Variants in SCHIP1 observed in about 807,000 individuals in gnomAD.
SCHIP1 encodes schwannomin-interacting protein 1.
In SCHIP1, 8 loss-of-function variants were observed where a neutral mutation model predicts 29.7. The ratio of observed to expected loss-of-function variants is 0.27; its 90% CI spans 0.16 to 0.49. The LOEUF is 0.49. Ranked by LOEUF, SCHIP1 falls within the 20% of genes least tolerant of loss-of-function variation. SCHIP1 has a pLI of 0.99. For missense variants in SCHIP1, 193 were observed against 294.6 expected, an observed-to-expected ratio of 0.66 and a Z score of 2.52; for synonymous variants, 76 against 94.9, an observed-to-expected ratio of 0.80 and a Z score of 1.16.
intron 1 of SCHIP1, among the ~76,000 whole-genome samples, chr3:159,860,522 T>A (rs541593843): frequency 6.6e-6 from 1 of 152,308 alleles, no homozygotes; most frequent in East Asian, 1.9e-4. Context: ...ATGCTAGACG[T>A]GGTATCTGTA....
chr3:159,716,750 A>T, the SCHIP1 span, among the ~76,000 whole-genome samples: 2 of 152,188 alleles, frequency 1.3e-5, no homozygotes, highest in Non-Finnish European at 2.9e-5. Context: ...AAGACCTTAG[A>T]GACCTACGAA....
chr3:159,795,366 T>C, the SCHIP1 span, among the ~76,000 whole-genome samples: 1 of 152,236 alleles, frequency 6.6e-6, no homozygotes, highest in Admixed American at 6.5e-5. Flanking sequence ...ATGTGATCTT[T>C]GGAAATTTAC....
chr3:159,480,027 G>A, the SCHIP1 span, among the ~76,000 whole-genome samples: 185 of 152,240 alleles, frequency 1.2e-3, no homozygotes, highest in African/African-American at 4.3e-3. Flanking sequence ...GAATTCTCAT[G>A]TAGACCATTT....
chr3:159,390,534 A>T, the SCHIP1 span, among the ~76,000 whole-genome samples: 1 of 152,138 alleles, frequency 6.6e-6, no homozygotes, highest in Non-Finnish European at 1.5e-5. Flanking sequence ...GACACGAAAA[A>T]AATTGAGGCA....
At chr3:159,315,085 G>C in the SCHIP1 span, among the ~76,000 whole-genome samples, 11 of 152,056 alleles carry the variant, frequency 7.2e-5, no homozygotes, top group African/African-American at 2.7e-4. Context: ...ATTGCGAAAA[G>C]CTTTTCTAAA....
At chr3:159,303,291 G>T in the SCHIP1 span, among the ~76,000 whole-genome samples, 1 of 151,982 alleles carries the variant, frequency 6.6e-6, no homozygotes, top group Non-Finnish European at 1.5e-5. Context: ...AATCACACAA[G>T]CAGTGGTCTG....
At chr3:159,466,270 T>C in the SCHIP1 span, among the ~76,000 whole-genome samples, 1 of 152,202 alleles carries the variant, frequency 6.6e-6, no homozygotes, top group African/African-American at 2.4e-5. Flanking sequence ...AAGATCATGA[T>C]TGTGCTACTG....
At chr3:159,713,670 G>T in the SCHIP1 span, among the ~76,000 whole-genome samples, 2 of 152,194 alleles carry the variant, frequency 1.3e-5, no homozygotes, top group Non-Finnish European at 2.9e-5. Flanking sequence ...GATTCAGGGG[G>T]TCTATACAGA....
At chr3:159,507,912 A>G in the SCHIP1 span, among the ~76,000 whole-genome samples, 1 of 152,316 alleles carries the variant, frequency 6.6e-6, no homozygotes, top group African/African-American at 2.4e-5. Flanking sequence ...CATCAGGGAT[A>G]TTGGTCTAAA....
the SCHIP1 span, chr3:159,721,405 A>C: frequency 6.6e-6 from 1 of 152,260 alleles, no homozygotes; most frequent in Admixed American, 6.5e-5. Context: ...GGAGTAAGAA[A>C]GTCTGTTTTT....
the SCHIP1 span, among the ~76,000 whole-genome samples, chr3:159,442,555 G>T: frequency 1.3e-5 from 2 of 152,126 alleles, no homozygotes; most frequent in East Asian, 3.9e-4. Context: ...CAGAAGTGAA[G>T]GAAAGGGACT....
the SCHIP1 span, among the ~76,000 whole-genome samples, chr3:159,731,620 A>T: frequency 9.9e-4 from 150 of 151,876 alleles, 4 homozygotes; most frequent in South Asian, 9.8e-3. Context: ...AAGCTTTACC[A>T]CTCTTCAGTC....
the SCHIP1 span, among the ~76,000 whole-genome samples, chr3:159,719,233 C>A: frequency 6.6e-6 from 1 of 152,164 alleles, no homozygotes; most frequent in African/African-American, 2.4e-5. Flanking sequence ...AAAATTAATT[C>A]AAGATGGATT....
the SCHIP1 span, among the ~76,000 whole-genome samples, chr3:159,659,472 T>A: frequency 3.3e-5 from 5 of 152,202 alleles, no homozygotes; most frequent in Non-Finnish European, 7.3e-5. Context: ...TATGAGAATG[T>A]CAGGAGTGGA....
the SCHIP1 span, among the ~76,000 whole-genome samples, chr3:159,428,114 C>T: frequency 6.6e-6 from 1 of 151,592 alleles, no homozygotes; most frequent in African/African-American, 2.4e-5. Context: ...CTAGGCAATA[C>T]CATTCAGGAC....
the SCHIP1 span, among the ~76,000 whole-genome samples, chr3:159,714,291 G>T: frequency 6.6e-6 from 1 of 152,114 alleles, no homozygotes; most frequent in Non-Finnish European, 1.5e-5. Flanking sequence ...AATAGGAACA[G>T]CTCCAGTCTA....
At chr3:159,450,918 C>T in the SCHIP1 span, among the ~76,000 whole-genome samples, 1 of 150,618 alleles carries the variant, frequency 6.6e-6, no homozygotes, top group African/African-American at 2.4e-5. Flanking sequence ...ACACCATTCT[C>T]CTGCCTCAGC....
the SCHIP1 span, among the ~76,000 whole-genome samples, chr3:159,762,060 T>C: frequency 6.6e-6 from 1 of 152,184 alleles, no homozygotes; most frequent in African/African-American, 2.4e-5. Context: ...AGCTATCTAA[T>C]TCCCAGCACA....
intron 1 of SCHIP1, among the ~76,000 whole-genome samples, chr3:159,847,514 A>C (rs927581607): frequency 1.3e-5 from 2 of 152,226 alleles, no homozygotes; most frequent in African/African-American, 2.4e-5. Flanking sequence ...AGAGAGGCCT[A>C]AGTGACAATC....
Sources: allele counts gnomAD v4.1 joint callset (sites outside exome capture counted in the v4.1 genomes callset), GRCh38; gene constraint gnomAD v4.1.1; transcripts MANE v1.5; gene names NCBI Gene and HGNC (gene_info 2026-07-23, HGNC 2026-07-21).